Variants in TMEM135 observed in about 807,000 individuals in gnomAD.
TMEM135 encodes transmembrane protein 135.
Under a neutral mutation model 60.3 loss-of-function variants are expected in TMEM135, and 30 were observed. The ratio of observed to expected loss-of-function variants is 0.50; its 90% CI spans 0.37 to 0.68. TMEM135 has a LOEUF of 0.68. TMEM135 is among the 30% of genes least tolerant of loss of function. The pLI is 0.00. For synonymous variants in TMEM135, 190 were observed against 186.7 expected, an observed-to-expected ratio of 1.02 and a Z score of -0.14; for missense variants, 468 against 548.8, an observed-to-expected ratio of 0.85 and a Z score of 1.47.
intron 4 of TMEM135, among the ~76,000 whole-genome samples, chr11:87,154,006 T>C (rs1938627491): frequency 6.6e-6 from 1 of 152,226 alleles, no homozygotes; most frequent in African/African-American, 2.4e-5. Context: ...TTTACTGTTT[T>C]GGCCATTTTT....
At chr11:87,208,024 T>C (rs1940277648) in intron 5 of TMEM135, among the ~76,000 whole-genome samples, 1 of 152,114 alleles carries the variant, frequency 6.6e-6, no homozygotes, top group African/African-American at 2.4e-5. Flanking sequence ...ACCCAACTTG[T>C]GCCACAGTCA....
chr11:87,161,410 A>C (rs1024678316), intron 5 of TMEM135, among the ~76,000 whole-genome samples: 2 of 152,158 alleles, frequency 1.3e-5, no homozygotes, highest in African/African-American at 4.8e-5. Context: ...ACTTTGTTAG[A>C]AGATAAGGTT....
rs893789182 is a variant in TMEM135 at position 87,325,518 on chromosome 11, C to G, written c.*4185C>G. The G allele has an allele frequency of 2.2e-6, 1 of 453,224 alleles. No homozygotes were observed. The highest frequency in any genetic ancestry group is 4.4e-6 in the Non-Finnish European group (1 of 226,454). 28.1% of individuals were successfully genotyped at this position (453,224 alleles called of 1,614,324 possible). On this transcript the variant is annotated 3_prime_UTR_variant, in exon 15 of 15. Coordinates refer to ENST00000305494, the MANE Select transcript of TMEM135 (RefSeq NM_022918.4). ...TCTCTCTCTCCCTCTCTCTCTCTCT[C>G]TGTCTGTCTCTCTTGCTGCTCCCTC...
intron 6 of TMEM135, among the ~76,000 whole-genome samples, chr11:87,257,290 C>T (rs1167563945): frequency 6.6e-6 from 1 of 152,168 alleles, no homozygotes; most frequent in African/African-American, 2.4e-5. Flanking sequence ...GGTGCTATAA[C>T]TCATTGGGCT....
At chr11:87,253,541 T>C (rs1941462328) in intron 6 of TMEM135, among the ~76,000 whole-genome samples, 1 of 151,522 alleles carries the variant, frequency 6.6e-6, no homozygotes, top group Admixed American at 6.6e-5. Flanking sequence ...CTGATGGTCT[T>C]ATTCTAGTTC....
Position 87,327,765 on chromosome 11 carries a change from G to A in TMEM135, c.*6432G>A, listed in dbSNP as rs761319474. On this transcript the variant is annotated 3_prime_UTR_variant, in exon 15 of 15. Transcript: ENST00000305494. Reference sequence around the variant, plus strand: ...AATTTTCAAGTCTGAGAACCTGGGGGTGGGATGGGGGAGTGATAGTTTTAA... The same window carrying A: ...AATTTTCAAGTCTGAGAACCTGGGGATGGGATGGGGGAGTGATAGTTTTAA... 1 of 453,932 alleles carries A rather than the reference G, an allele frequency of 2.2e-6. No individual in the cohort carries two copies. Among genetic ancestry groups the A allele is most frequent in the Non-Finnish European group, 4.4e-6 (1 of 226,786 alleles). 28.1% of individuals were successfully genotyped at this position (453,932 alleles called of 1,614,324 possible).
chr11:87,248,287 A>G (rs932829325), intron 6 of TMEM135, among the ~76,000 whole-genome samples: 4 of 152,328 alleles, frequency 2.6e-5, no homozygotes, highest in African/African-American at 9.6e-5. Flanking sequence ...ACTGTTCTCC[A>G]TAGTGGTTGT....
chr11:87,280,889 G>T (rs1437816260), intron 6 of TMEM135, among the ~76,000 whole-genome samples: 3 of 152,144 alleles, frequency 2.0e-5, no homozygotes, highest in African/African-American at 7.2e-5. Context: ...CTGGATTTCA[G>T]TTCCTGGTAG....
intron 5 of TMEM135, among the ~76,000 whole-genome samples, chr11:87,215,745 A>G (rs1940485978): frequency 2.0e-5 from 3 of 152,184 alleles, no homozygotes; most frequent in African/African-American, 4.8e-5. Flanking sequence ...GCATACAGGG[A>G]TGGGAGAAAT....
At chr11:87,147,482 T>C (rs540260904) in intron 4 of TMEM135, among the ~76,000 whole-genome samples, 22 of 151,096 alleles carry the variant, frequency 1.5e-4, no homozygotes, top group African/African-American at 4.9e-4. Flanking sequence ...ACTATAGGCA[T>C]GTGCCACTGT....
At chr11:87,144,929 T>A (rs918210986) in intron 4 of TMEM135, among the ~76,000 whole-genome samples, 7 of 152,188 alleles carry the variant, frequency 4.6e-5, no homozygotes, top group African/African-American at 1.7e-4. Context: ...ACATATCTAT[T>A]ACCTCAATTA....
At chr11:87,223,227 C>T (rs1940684576) in intron 5 of TMEM135, among the ~76,000 whole-genome samples, 1 of 150,076 alleles carries the variant, frequency 6.7e-6, no homozygotes, top group African/African-American at 2.4e-5. Context: ...CGCAGTGGCG[C>T]GATCTCGGCT....
chr11:87,123,596 T>C lies in TMEM135; in HGVS notation c.396+32201T>C, dbSNP rs556204923. 5.3e-5 allele frequency among the ~76,000 whole-genome samples: 8 copies of C among 152,274 alleles called. No homozygotes were observed. In the South Asian group the frequency reaches 1.7e-3, roughly 32 times the overall value. ...AATTTATCATTTGTGGGGACAATAT[T>C]CAACCCACTACACTATTAAAAAATA... On this transcript the variant is annotated intron_variant, in intron 4 of 14. Transcript: ENST00000305494.
intron 4 of TMEM135, among the ~76,000 whole-genome samples, chr11:87,098,601 A>C (rs1213428105): frequency 6.6e-6 from 1 of 152,122 alleles, no homozygotes; most frequent in Non-Finnish European, 1.5e-5. Flanking sequence ...TTATTAAGTG[A>C]TAATAAATAC....
intron 11 of TMEM135, among the ~76,000 whole-genome samples, chr11:87,313,763 C>T (rs545333642): frequency 1.3e-4 from 20 of 151,684 alleles, no homozygotes; most frequent in Non-Finnish European, 2.5e-4. Flanking sequence ...ATATAAAAAG[C>T]CTTATATTTA....
At chr11:87,216,321 G>A (rs985872940) in intron 5 of TMEM135, among the ~76,000 whole-genome samples, 7 of 152,046 alleles carry the variant, frequency 4.6e-5, no homozygotes, top group Non-Finnish European at 5.9e-5. Flanking sequence ...TAAGTGCATG[G>A]TGGGTGTGAA....
intron 3 of TMEM135, among the ~76,000 whole-genome samples, chr11:87,076,132 A>G (rs896246090): frequency 7.2e-5 from 11 of 152,186 alleles, no homozygotes; most frequent in Non-Finnish European, 1.3e-4. Flanking sequence ...CTGGGTGACA[A>G]GTTCTCCCGG....
intron 6 of TMEM135, among the ~76,000 whole-genome samples, chr11:87,269,535 C>T (rs1339622203): frequency 6.6e-6 from 1 of 151,594 alleles, no homozygotes; most frequent in East Asian, 1.9e-4. Context: ...GTAATGTTCC[C>T]CTTCCTGTGT....
intron 4 of TMEM135, among the ~76,000 whole-genome samples, chr11:87,111,728 C>A (rs994357319): frequency 6.6e-6 from 1 of 151,536 alleles, no homozygotes; most frequent in African/African-American, 2.4e-5. Context: ...TGAATTATAC[C>A]CACATAGAAA....
Sources: allele counts gnomAD v4.1 joint callset (sites outside exome capture counted in the v4.1 genomes callset), GRCh38; gene constraint gnomAD v4.1.1; transcripts MANE v1.5; gene names NCBI Gene and HGNC (gene_info 2026-07-23, HGNC 2026-07-21).